SV2C: variants seen among roughly 807,000 people sequenced by gnomAD.
SV2C encodes the protein solute carrier family 22 member B3.
A neutral mutation model predicts 79.7 loss-of-function variants in SV2C; 49 were observed. The ratio of observed to expected loss-of-function variants is 0.61; its 90% CI spans 0.49 to 0.78. SV2C has a LOEUF of 0.78. Among genes scored for constraint, SV2C ranks in the 30% least tolerant of loss-of-function variants. The pLI is 0.00. For missense variants in SV2C, 833 were observed against 912.9 expected (o/e 0.91, Z 1.13); for synonymous variants, 334 against 333.2 (o/e 1.00, Z -0.03).
intron 2 of SV2C, chr5:76,173,817 C>A (rs371533326): frequency 1.3e-6 from 2 of 1,599,864 alleles, no homozygotes; most frequent in Admixed American, 3.3e-5. Context: ...ACAACTCTTT[C>A]ATCTTCCAAG....
the SV2C span, among the ~76,000 whole-genome samples, chr5:75,848,904 C>A: frequency 2.0e-5 from 3 of 152,164 alleles, no homozygotes; most frequent in Non-Finnish European, 2.9e-5. Context: ...TCCTTATCTG[C>A]AGAAATATGA....
the SV2C span, among the ~76,000 whole-genome samples, chr5:75,935,623 G>A: frequency 2.5e-3 from 385 of 152,292 alleles, 5 homozygotes; most frequent in East Asian, 0.02. Context: ...AGACATAAAT[G>A]TACTGACAAG....
At chr5:75,880,676 A>G in the SV2C span, among the ~76,000 whole-genome samples, 5 of 152,168 alleles carry the variant, frequency 3.3e-5, no homozygotes, top group Non-Finnish European at 5.9e-5. Context: ...AGTCTCTAAG[A>G]AGTTCCAAAC....
At chr5:76,222,044 A>G (rs1023202491) in intron 4 of SV2C, among the ~76,000 whole-genome samples, 1 of 152,230 alleles carries the variant, frequency 6.6e-6, no homozygotes, top group East Asian at 1.9e-4. Context: ...GAAAGGATAC[A>G]GAGAAACAGC....
At chr5:76,100,387 G>A (rs1747700366) in intron 1 of SV2C, among the ~76,000 whole-genome samples, 1 of 152,130 alleles carries the variant, frequency 6.6e-6, no homozygotes, top group African/African-American at 2.4e-5. Context: ...ATCATAAAAG[G>A]TGCTGGAATT....
the SV2C span, among the ~76,000 whole-genome samples, chr5:75,888,566 G>T: frequency 6.6e-6 from 1 of 151,918 alleles, no homozygotes; most frequent in East Asian, 1.9e-4. Flanking sequence ...CTGCCACATG[G>T]CTGTCTCATT....
the SV2C span, among the ~76,000 whole-genome samples, chr5:76,016,208 T>G: frequency 1.6e-4 from 20 of 124,392 alleles, no homozygotes; most frequent in Admixed American, 1.0e-3. Context: ...ACCCTCAAAA[T>G]TCCAGTGCAG....
At chr5:76,057,476 GTGT>G in the SV2C span, among the ~76,000 whole-genome samples, 3 of 151,864 alleles carry the variant, frequency 2.0e-5, no homozygotes, top group African/African-American at 7.3e-5. Flanking sequence ...AGAACATGTG[GTGT>G]TTGGTTTTCT....
At chr5:75,868,070 G>C in the SV2C span, among the ~76,000 whole-genome samples, 1 of 152,154 alleles carries the variant, frequency 6.6e-6, no homozygotes, top group Non-Finnish European at 1.5e-5. Flanking sequence ...TGAAGGGCCA[G>C]GACATCAAGG....
intron 4 of SV2C, among the ~76,000 whole-genome samples, chr5:76,280,299 G>A (rs939919820): frequency 7.2e-5 from 11 of 151,946 alleles, no homozygotes; most frequent in African/African-American, 2.7e-4. Context: ...CACACACTAA[G>A]CAATGAAGGA....
chr5:76,071,592 G>T, the SV2C span, among the ~76,000 whole-genome samples: 1 of 152,192 alleles, frequency 6.6e-6, no homozygotes, highest in Non-Finnish European at 1.5e-5. Flanking sequence ...AACACTCATT[G>T]TGTTGCTGCT....
At position 76,195,015 on chromosome 5, in the gene SV2C, C is replaced by T. The variant is rs1744231575; in HGVS notation, c.677C>T (p.Ser226Phe). 1 of 1,614,026 alleles carries T rather than the reference C, an allele frequency of 6.2e-7. No homozygotes were observed. The highest frequency in any genetic ancestry group is 1.3e-5 in the African/African-American group (1 of 74,938). ...GRKQSLLICM[S>F]VNGFFAFLSS... ...AAACAGTCTCTTCTGATTTGCATGT[C>T]TGTCAACGGATTCTTTGCCTTCCTT... Residue 226 changes from serine (S) to phenylalanine (F), a missense_variant, in exon 3 of 13, where the codon TCT becomes TTT. By Grantham distance (155) the Ser-to-Phe change is radical. Transcript: ENST00000502798.
At chr5:75,894,898 G>A in the SV2C span, among the ~76,000 whole-genome samples, 2 of 152,110 alleles carry the variant, frequency 1.3e-5, no homozygotes, top group Non-Finnish European at 2.9e-5. Flanking sequence ...CCTTAAGGCT[G>A]TGCACAGGCA....
chr5:75,886,647 A>G, the SV2C span, among the ~76,000 whole-genome samples: 1 of 152,148 alleles, frequency 6.6e-6, no homozygotes, highest in Admixed American at 6.6e-5. Context: ...GACACTTAGG[A>G]TATAACTGAC....
At chr5:76,090,459 T>G (rs1747338383) in intron 1 of SV2C, among the ~76,000 whole-genome samples, 1 of 152,194 alleles carries the variant, frequency 6.6e-6, no homozygotes, top group Non-Finnish European at 1.5e-5. Flanking sequence ...GGCTTATAAT[T>G]AACTAAACCA....
chr5:75,882,542 C>T, the SV2C span, among the ~76,000 whole-genome samples: 2 of 151,926 alleles, frequency 1.3e-5, no homozygotes, highest in East Asian at 1.9e-4. Flanking sequence ...GTACTGGTAC[C>T]AAAACAGAGA....
intron 2 of SV2C, among the ~76,000 whole-genome samples, chr5:76,162,364 G>A (rs1484540408): frequency 6.6e-6 from 1 of 152,146 alleles, no homozygotes; most frequent in African/African-American, 2.4e-5. Flanking sequence ...CTTATTTTAG[G>A]GACTTTGTAA....
chr5:76,038,826 A>AT, the SV2C span, among the ~76,000 whole-genome samples: 59 of 152,376 alleles, frequency 3.9e-4, no homozygotes, highest in African/African-American at 1.3e-3. Flanking sequence ...GCTTCTTTGC[A>AT]TTAATGAATA....
At chr5:76,250,827 T>G (rs1248217717) in intron 4 of SV2C, among the ~76,000 whole-genome samples, 1 of 152,164 alleles carries the variant, frequency 6.6e-6, no homozygotes, top group Admixed American at 6.5e-5. Context: ...GAAATCTCAA[T>G]GGACGTTTTT....
Sources: gnomAD v4.1 joint callset for allele counts (sites outside exome capture counted in the v4.1 genomes callset) on GRCh38, gnomAD v4.1.1 for gene constraint, MANE v1.5 for transcripts, NCBI Gene and HGNC (gene_info 2026-07-23, HGNC 2026-07-21) for gene names.